Variants in TRIM10 observed in about 807,000 individuals in gnomAD.
TRIM10 encodes the protein tripartite motif-containing protein 10.
Under a neutral mutation model 40.0 loss-of-function variants are expected in TRIM10, and 42 were observed. That is an observed-to-expected ratio of 1.05 (90% confidence interval 0.82 to 1.36). TRIM10 has a LOEUF of 1.36. Ranked by LOEUF, TRIM10 falls within the 40% of genes most tolerant of loss-of-function variation. TRIM10 has a pLI of 0.00. For missense variants in TRIM10, 601 were observed against 608.3 expected (o/e 0.99, Z 0.13); for synonymous variants, 260 against 239.5 (o/e 1.09, Z -0.79).
intron 5 of TRIM10, 140 bp from the exon 6 acceptor site, chr6:30,155,899 C>A: frequency 1.3e-6 from 1 of 740,872 alleles, no homozygotes; most frequent in Non-Finnish European, 2.2e-6. Context: ...CCAGTGGTTC[C>A]AAGCTTGCAT....
Position 30,155,729 on chromosome 6 carries a change from G to T in TRIM10, c.926C>A (p.Pro309Gln). The T allele has an allele frequency of 4.3e-6, 7 of 1,613,412 alleles. No individual in the cohort carries two copies. Among genetic ancestry groups the T allele is most frequent in the Non-Finnish European group, 5.9e-6 (7 of 1,179,802 alleles). Residue 309 changes from proline (P) to glutamine (Q), a missense_variant and splice_region_variant, in exon 6 of 7, where the codon CCA becomes CAA. Pro to Gln is a moderately conservative substitution (Grantham distance 76). Coordinates refer to ENST00000449742, the MANE Select transcript of TRIM10 (RefSeq NM_006778.4). Reference protein sequence around the residue: ...EKLCFELDYEPAHISLDPQTS... With the variant: ...EKLCFELDYEQAHISLDPQTS... ...CCATCCTGACATAGGCTCCTTACCT[G>T]GCTCATAGTCCAACTCAAAGCATAG...
upstream of TRIM10, chr6:30,163,446 C>A: frequency 1.7e-6 from 1 of 583,598 alleles, no homozygotes; most frequent in Non-Finnish European, 3.0e-6. Context: ...TCGAGACGCC[C>A]TGGAATTTGG....
At chr6:30,157,968 T>C (rs1362994606) in intron 3 of TRIM10, among the ~76,000 whole-genome samples, 1 of 152,172 alleles carries the variant, frequency 6.6e-6, no homozygotes, top group Non-Finnish European at 1.5e-5. Context: ...GCCTTTCCAA[T>C]ACTTTGTGGG....
At chr6:30,155,960 C>T (rs9468695) in intron 5 of TRIM10, among the ~76,000 whole-genome samples, 1 of 152,176 alleles carries the variant, frequency 6.6e-6, no homozygotes, top group African/African-American at 2.4e-5. Context: ...GATTCAGGTG[C>T]TCTGGGGTGG....
Position 30,154,229 on chromosome 6 carries a change from G to A in TRIM10, c.1186C>T (p.Leu396=), listed in dbSNP as rs1158857487. The A allele has an allele frequency of 1.2e-6, 2 of 1,612,894 alleles. No homozygotes were observed. The highest frequency in any genetic ancestry group is 1.7e-6 in the Non-Finnish European group (2 of 1,179,950). ...GCCCACACCCCCTCCTCTGGCCGCAGCCGAAGCTCCCCCTTCCGCTGCACA... is the reference window on the plus strand; with the variant it reads ...GCCCACACCCCCTCCTCTGGCCGCAACCGAAGCTCCCCCTTCCGCTGCACA... ...EDVQRKGELR[L]RPEEGVWAVR... Residue 396 remains leucine (L), a synonymous_variant, in exon 7 of 7, where the codon CTG becomes TTG. Coordinates refer to ENST00000449742, the MANE Select transcript of TRIM10 (RefSeq NM_006778.4).
In TRIM10 at chr6:30,160,936, C is replaced by A; in HGVS notation, c.-78G>T. 1.5e-6 allele frequency: 2 copies of A among 1,375,390 alleles called. No homozygotes were observed. The highest frequency in any genetic ancestry group is 2.0e-6 in the Non-Finnish European group (2 of 1,025,048). The allele number at this position is 1,375,390 out of a possible 1,614,324, so 85.2% of individuals were successfully genotyped here. The stretch of plus-strand genomic sequence containing the variant: ...GGGGAAGGGCTGGGTCACACACTCA[C>A]ACACCCACACATGCACATGGCTGGA... On this transcript the variant is annotated 5_prime_UTR_variant, in exon 1 of 7. Transcript: ENST00000449742.
rs142958548 is a variant in TRIM10, at chr6:30,157,541, A to G, written c.757-150T>C. The G allele has an allele frequency of 2.2e-3, 1,726 of 802,172 alleles. 6 individuals are homozygous for G. Among genetic ancestry groups the G allele is most frequent in the African/African-American group, 0.011 (638 of 57,190 alleles). The allele number at this position is 802,172 out of a possible 1,614,324, so 49.7% of individuals were successfully genotyped here. On this transcript the variant is annotated intron_variant, in intron 3 of 6. Transcript: ENST00000449742. ...CACTCTGGTGCCCAGGCTGGAATAC[A>G]GTGGCGTGATCATGGCTCACTGCAT... is the stretch of plus-strand genomic sequence containing the variant.
rs766814376 is a variant in TRIM10, at chr6:30,160,810, G to C, written c.49C>G (p.Pro17Ala). Residue 17 changes from proline to alanine, a missense_variant, in exon 1 of 7, where the codon CCC becomes GCC. Transcript: ENST00000449742. Reference protein sequence around the residue: ...VTSLADEVNCPICQGTLREPV... With the variant: ...VTSLADEVNCAICQGTLREPV... ...TCCCTCAGGGTACCCTGACAGATGG[G>C]GCAGTTGACTTCATCTGCCAGGCTG... The C allele has an allele frequency of 2.5e-6, 4 of 1,613,608 alleles. No homozygotes were observed. Among genetic ancestry groups the C allele is most frequent in the Admixed American group, 1.7e-5 (1 of 59,998 alleles).
intron 2 of TRIM10, 134 bp downstream of exon 2, chr6:30,159,016 T>A (rs1264920824): frequency 1.5e-6 from 1 of 646,988 alleles, no homozygotes; most frequent in Non-Finnish European, 2.8e-6. Flanking sequence ...TTGCTTGAGG[T>A]CATAGAGTTA....
At position 30,158,437 on chromosome 6, in the gene TRIM10, C is replaced by T. The variant is rs949450579; in HGVS notation, c.718G>A (p.Glu240Lys). 3 of 1,612,992 alleles carry T rather than the reference C, an allele frequency of 1.9e-6. No individual in the cohort carries two copies. The African/African-American group carries it at 4.0e-5, about 22-fold the overall frequency. The change falls in exon 3 of 7, where the codon GAG becomes AAG. Residue 240 changes from glutamate (E) to lysine (K), a missense_variant. Physicochemically the swap from Glu to Lys is moderately conservative, Grantham distance 56 (BLOSUM62 1). Transcript: ENST00000449742. ...CTTGCTGGCCTCTCATTCTTCTCCT[C>T]CAGTTCTTCAATAAGAGCACTAAAC... is the stretch of plus-strand genomic sequence containing the variant. The part of the protein sequence containing the change: ...CRFSALIEEL[E>K]EKNERPAREL...
rs375985978 is a variant in TRIM10 at position 30,157,363 on chromosome 6, G to A, written c.779+6C>T. ...AAAAAGAAAAGAGAGAAACTATATT[G>A]CTTACCTTATTAGAGTGCTTCTGAT... On this transcript the variant is annotated splice_donor_region_variant and intron_variant, in intron 4 of 6. Transcript: ENST00000449742. 4.8e-5 allele frequency: 76 copies of A among 1,599,302 alleles called. No homozygotes were observed. The African/African-American group carries it at 9.5e-4, about 20-fold the overall frequency.
upstream of TRIM10, among the ~76,000 whole-genome samples, chr6:30,162,945 A>G: frequency 6.8e-6 from 1 of 146,356 alleles, no homozygotes; most frequent in African/African-American, 2.6e-5. Context: ...TAAATAAATA[A>G]ATAAATAAAT....
rs938509278 is a variant in TRIM10, at chr6:30,153,465, G to A, written c.*504C>T. ...AAGAGCTCTTTCAGATATAGAGCAGGTTTTTTTTTTCTCTATATTTTCAAG... is the reference window on the plus strand; with the variant it reads ...AAGAGCTCTTTCAGATATAGAGCAGATTTTTTTTTTCTCTATATTTTCAAG... On this transcript the variant is annotated 3_prime_UTR_variant, in exon 7 of 7. Transcript: ENST00000449742. 4 of 508,122 alleles carry A rather than the reference G, an allele frequency of 7.9e-6. No individual in the cohort carries two copies. The highest frequency in any genetic ancestry group is 1.1e-5 in the Non-Finnish European group (3 of 283,884). The allele number at this position is 508,122 out of a possible 1,614,324, so 31.5% of individuals were successfully genotyped here.
At chr6:30,156,873 G>A (rs1221653411) in intron 5 of TRIM10, 66 bp downstream of exon 5, 2 of 1,388,038 alleles carry the variant, frequency 1.4e-6, no homozygotes, top group Non-Finnish European at 2.1e-6. Context: ...AGTGGAGCGT[G>A]GAGGCCACTC....
chr6:30,156,735 G>A (rs114470664), intron 5 of TRIM10: 13,567 of 669,012 alleles, frequency 0.02, 228 homozygotes, highest in African/African-American at 0.045. Flanking sequence ...TTTTTCACCA[G>A]AAATATTCAC....
chr6:30,160,104 C>A lies in TRIM10; in HGVS notation c.429+326G>T, dbSNP rs184683016. 7.5e-3 allele frequency among the ~76,000 whole-genome samples: 1,146 copies of A among 152,302 alleles called. 49 individuals carry two copies. In the South Asian group the frequency reaches 0.12, roughly 16 times the overall value. ...ACATGCAAACATTAACACATATACA[C>A]ACTGTTTGTACAATCATTCCCTCAA... On this transcript the variant is annotated intron_variant, in intron 1 of 6. Coordinates refer to ENST00000449742, the MANE Select transcript of TRIM10 (RefSeq NM_006778.4).
chr6:30,162,783 G>C (rs1268861939), upstream of TRIM10, among the ~76,000 whole-genome samples: 1 of 152,076 alleles, frequency 6.6e-6, no homozygotes, highest in Non-Finnish European at 1.5e-5. Flanking sequence ...TGTTTGCCTA[G>C]AGGGTTATTA....
Position 30,153,519 on chromosome 6 carries a change from C to G in TRIM10, c.*450G>C. ...CCAGTGGCCACCACACTGCTTGGTT[C>G]ATAGTTAACACAAACTAAATGGTTC... On this transcript the variant is annotated 3_prime_UTR_variant, in exon 7 of 7. Coordinates refer to ENST00000449742, the MANE Select transcript of TRIM10 (RefSeq NM_006778.4). 1.5e-6 allele frequency: 1 copy of G among 658,676 alleles called. No homozygotes were observed. The highest frequency in any genetic ancestry group is 2.7e-5 in the East Asian group (1 of 36,436). 40.8% of individuals were successfully genotyped at this position (658,676 alleles called of 1,614,324 possible). A position where few individuals can be genotyped will look rare whatever the true frequency, so the allele number is the denominator to read the frequency against.
In TRIM10 at chr6:30,153,160, G is replaced by T. The variant is rs762240064; in HGVS notation, c.*809C>A. ...CGTCGGCTGGGGATGGCACACATCTGCCCATAATGACAATGGAGACAACCC... is the reference window on the plus strand; with the variant it reads ...CGTCGGCTGGGGATGGCACACATCTTCCCATAATGACAATGGAGACAACCC... On this transcript the variant is annotated 3_prime_UTR_variant, in exon 7 of 7. Transcript: ENST00000449742. 6.5e-6 allele frequency: 1 copy of T among 154,878 alleles called. No homozygotes were observed. Among genetic ancestry groups the T allele is most frequent in the Non-Finnish European group, 1.4e-5 (1 of 69,484 alleles). 9.6% of individuals were successfully genotyped at this position (154,878 alleles called of 1,614,324 possible).
Sources: allele counts gnomAD v4.1 joint callset (sites outside exome capture counted in the v4.1 genomes callset), GRCh38; gene constraint gnomAD v4.1.1; transcripts MANE v1.5; gene names NCBI Gene and HGNC (gene_info 2026-07-23, HGNC 2026-07-21).